The following CFI variants were observed in gnomAD, a reference collection of about 807,000 sequenced individuals.
CFI encodes the protein complement factor I, also known as C3B/C4B inactivator.
In CFI, 66 loss-of-function variants were observed where a neutral mutation model predicts 78.8. The observed-to-expected ratio is 0.84, with a 90% CI of 0.69 to 1.03. The LOEUF (loss-of-function observed/expected upper bound fraction) is 1.03, where lower values mean the gene tolerates loss of function less well. Among genes scored for constraint, CFI ranks in the 50% least tolerant of loss-of-function variants. The probability of loss-of-function intolerance (pLI) is 0.00; values close to 1 mark genes in which losing one functional copy is unlikely to be tolerated. For synonymous variants in CFI, 250 were observed against 232.6 expected, an observed-to-expected ratio of 1.07 and a Z score of -0.68; for missense variants, 706 against 704.5, an observed-to-expected ratio of 1.00 and a Z score of -0.02.
intron 7 of CFI, among the ~76,000 whole-genome samples, chr4:109,752,727 A>T (rs573983113): frequency 6.7e-6 from 1 of 150,058 alleles, no homozygotes; most frequent in South Asian, 2.1e-4. Flanking sequence ...TGCTGGCACA[A>T]ACTAGAGATA....
intron 1 of CFI, chr4:109,793,991 T>C (rs769250672): frequency 2.0e-5 from 3 of 152,260 alleles, no homozygotes; most frequent in Non-Finnish European, 4.4e-5. Flanking sequence ...AATTTTCATC[T>C]GCCCTCCATG....
chr4:109,760,412 C>T (rs1396998622), intron 5 of CFI, 32 bp from the exon 6 acceptor site: 1 of 1,576,742 alleles, frequency 6.3e-7, no homozygotes, highest in Non-Finnish European at 8.7e-7. Flanking sequence ...AGGTTTTTTT[C>T]ATTCCTTAAA....
At chr4:109,790,768 C>A (rs1731275253) in intron 1 of CFI, among the ~76,000 whole-genome samples, 2 of 152,082 alleles carry the variant, frequency 1.3e-5, no homozygotes, top group African/African-American at 4.8e-5. Context: ...AAGACATGAT[C>A]TTGTTGATCT....
intron 1 of CFI, among the ~76,000 whole-genome samples, chr4:109,789,425 A>G (rs923024191): frequency 3.4e-5 from 5 of 146,070 alleles, no homozygotes; most frequent in Non-Finnish European, 7.4e-5. Context: ...AATCTTCAAA[A>G]GAGTCAAGGA....
intron 2 of CFI, among the ~76,000 whole-genome samples, 175 bp downstream of exon 2, chr4:109,766,379 G>C (rs749388005): frequency 3.9e-5 from 6 of 152,134 alleles, no homozygotes; most frequent in Non-Finnish European, 8.8e-5. Flanking sequence ...AAGGCTGGCT[G>C]GATTCTGGCA....
chr4:109,739,362 C>A (rs1037462341), downstream of CFI, among the ~76,000 whole-genome samples: 3 of 151,358 alleles, frequency 2.0e-5, no homozygotes, highest in Non-Finnish European at 4.4e-5. Context: ...AGAAGGAAGA[C>A]AAATGAGGTC....
intron 3 of CFI, among the ~76,000 whole-genome samples, chr4:109,763,083 G>T (rs1393426808): frequency 6.6e-6 from 1 of 152,028 alleles, no homozygotes; most frequent in African/African-American, 2.4e-5. Context: ...AGAAAGAAGG[G>T]GTGAGATACA....
chr4:109,766,918 C>T (rs1727839643), intron 1 of CFI, 94 bp from the exon 2 acceptor site: 4 of 1,237,998 alleles, frequency 3.2e-6, no homozygotes, highest in Non-Finnish European at 4.7e-6. Context: ...ACAGATACAG[C>T]CCACAGTACA....
intron 12 of CFI, chr4:109,741,983 T>C (rs1723858131): frequency 6.2e-6 from 1 of 161,700 alleles, no homozygotes; most frequent in Admixed American, 5.8e-5. Context: ...GTGATTTCCA[T>C]GGAGGGAAAA....
chr4:109,745,633 T>A (rs139694861), intron 11 of CFI, among the ~76,000 whole-genome samples: 10 of 152,306 alleles, frequency 6.6e-5, no homozygotes, highest in African/African-American at 2.2e-4. Flanking sequence ...ATGAATTCCT[T>A]ATGTTCTTTT....
chr4:109,735,708 C>T (rs946897459), downstream of CFI, among the ~76,000 whole-genome samples: 19 of 152,150 alleles, frequency 1.2e-4, no homozygotes, highest in Admixed American at 2.0e-4. Flanking sequence ...GCCAATGTCG[C>T]GGGAATCAGG....
intron 1 of CFI, among the ~76,000 whole-genome samples, chr4:109,777,738 C>T (rs1374659247): frequency 2.0e-5 from 3 of 152,132 alleles, no homozygotes; most frequent in South Asian, 4.1e-4. Flanking sequence ...GGAAGTAAAG[C>T]ACTCCTCAGC....
At position 109,741,002 on chromosome 4, in the gene CFI, T is replaced by C. The variant is rs771446070; in HGVS notation, c.1643A>G (p.Glu548Gly). The change falls in exon 13 of 13, where the codon GAA becomes GGA. Residue 548 changes from glutamate (E) to glycine (G), a missense_variant. Transcript: ENST00000394634. ...TGGGAACTCTGGTTTTCCACAGTTT[T>C]CCCCCCAACTCACAACACCCCAGAC... ...TYVWGVVSWG[E>G]NCGKPEFPGV... The C allele has an allele frequency of 3.1e-6, 5 of 1,614,070 alleles. No homozygotes were observed. The Admixed American group carries it at 6.7e-5, about 22-fold the overall frequency.
intron 1 of CFI, among the ~76,000 whole-genome samples, chr4:109,785,264 C>T (rs1159837927): frequency 6.6e-6 from 1 of 152,066 alleles, no homozygotes; most frequent in African/African-American, 2.4e-5. Context: ...CACGTGACAT[C>T]TTTCCCAGCC....
chr4:109,797,613 T>G (rs977964733), intron 1 of CFI, among the ~76,000 whole-genome samples: 4 of 152,026 alleles, frequency 2.6e-5, no homozygotes, highest in Non-Finnish European at 2.9e-5. Context: ...CACAGCAAAA[T>G]GAAAAGACAA....
intron 7 of CFI, among the ~76,000 whole-genome samples, chr4:109,753,818 TATATTATATATTATATA>T: frequency 2.1e-5 from 1 of 47,978 alleles, no homozygotes; most frequent in African/African-American, 8.6e-5. Flanking sequence ...TGTATAATTT[TATATTATATATTATATA>T]ATGTATAATC....
chr4:109,741,183 G>A, intron 12 of CFI, 73 bp from the exon 13 acceptor site: 1 of 1,606,452 alleles, frequency 6.2e-7, no homozygotes, highest in South Asian at 1.1e-5. Flanking sequence ...CTCCTCCATG[G>A]CATTTAACAA....
At chr4:109,789,442 A>C (rs1338069300) in intron 1 of CFI, among the ~76,000 whole-genome samples, 1 of 106,224 alleles carries the variant, frequency 9.4e-6, no homozygotes, top group Non-Finnish European at 1.6e-5. Flanking sequence ...AGGAAAAAAG[A>C]CACTATGTAC....
chr4:109,768,342 A>AG (rs1160767060), intron 1 of CFI, among the ~76,000 whole-genome samples: 1 of 150,940 alleles, frequency 6.6e-6, no homozygotes, highest in African/African-American at 2.4e-5. Context: ...CCTAAAAAAA[A>AG]AAAAAAAAAA....
Sources: allele counts gnomAD v4.1 joint callset (sites outside exome capture counted in the v4.1 genomes callset), GRCh38; gene constraint gnomAD v4.1.1; transcripts MANE v1.5; gene names NCBI Gene and HGNC (gene_info 2026-07-23, HGNC 2026-07-21).